The following FTCDNL1 variants were observed in gnomAD, a reference collection of about 807,000 sequenced individuals.
The protein encoded by FTCDNL1 is formiminotransferase cyclodeaminase N-terminal like.
FTCDNL1 carries 11 observed loss-of-function variants against 5.9 expected under a neutral mutation model. That is an observed-to-expected ratio of 1.87 (90% CI 1.18 to 3.10). The LOEUF is 3.10. Among genes scored for constraint, FTCDNL1 ranks in the 30% most tolerant of loss-of-function variants. FTCDNL1 has a pLI of 0.00. For synonymous variants in FTCDNL1, 58 were observed against 24.8 expected (o/e 2.34, Z -3.99); for missense variants, 115 against 65.5 (o/e 1.76, Z -2.61).
the FTCDNL1 span, among the ~76,000 whole-genome samples, chr2:199,714,338 AAAT>A: frequency 6.6e-6 from 1 of 152,200 alleles, no homozygotes; most frequent in African/African-American, 2.4e-5. Flanking sequence ...GACTAAAAAA[AAAT>A]TATGTCCAAA....
At chr2:199,697,579 C>T in the FTCDNL1 span, among the ~76,000 whole-genome samples, 1 of 152,084 alleles carries the variant, frequency 6.6e-6, no homozygotes, top group Non-Finnish European at 1.5e-5. Flanking sequence ...CAAGCAAATG[C>T]TAAGGGAATT....
At chr2:199,690,604 C>G in the FTCDNL1 span, among the ~76,000 whole-genome samples, 11 of 152,154 alleles carry the variant, frequency 7.2e-5, no homozygotes, top group African/African-American at 2.7e-4. Context: ...CTCCTTTGGG[C>G]TACCTACAAG....
rs929674163 is a variant in FTCDNL1 at position 199,800,408 on chromosome 2, G to A, written c.212-39573C>T. 3.3e-5 allele frequency among the ~76,000 whole-genome samples: 5 copies of A among 152,106 alleles called. No homozygotes were observed. The East Asian group carries it at 9.6e-4, about 29-fold the overall frequency. Reference sequence around the variant, plus strand: ...AATGCTTGGCATGTACTCAGCACACGGCCAGGTCCAGGTCCTGTGAAGCTG... The same window carrying A: ...AATGCTTGGCATGTACTCAGCACACAGCCAGGTCCAGGTCCTGTGAAGCTG... On this transcript the variant is annotated intron_variant, in intron 3 of 3. Coordinates refer to the FTCDNL1 transcript ENST00000416668.
Position 199,785,249 on chromosome 2 carries a change from C to CTT in FTCDNL1, c.212-24416_212-24415dup, listed in dbSNP as rs61047289. ...AGGGTCTCTAAACTCTTCCAAATTC[C>CTT]TTTTTTTTTTTTTTTTGAGACAGAA... On this transcript the variant is annotated intron_variant, in intron 3 of 3. Coordinates refer to the FTCDNL1 transcript ENST00000416668. 8.5e-4 allele frequency among the ~76,000 whole-genome samples: 65 copies of CTT among 76,862 alleles called. 5 individuals are homozygous for CTT. The highest frequency in any genetic ancestry group is 1.3e-3 in the Admixed American group (6 of 4,474). 50.4% of individuals were successfully genotyped at this position (76,862 alleles called of 152,430 possible). A position where few individuals can be genotyped will look rare whatever the true frequency, so the allele number is the denominator to read the frequency against.
chr2:199,800,969 T>C (rs1485123449), intron 3 of FTCDNL1, among the ~76,000 whole-genome samples: 3 of 152,230 alleles, frequency 2.0e-5, no homozygotes, highest in African/African-American at 2.4e-5. Flanking sequence ...AAAAACCACA[T>C]CCTTTGCTTA....
the FTCDNL1 span, among the ~76,000 whole-genome samples, chr2:199,709,954 C>T: frequency 1.8e-4 from 27 of 150,454 alleles, no homozygotes; most frequent in South Asian, 5.6e-3. Context: ...TTCAGTTGAT[C>T]ATCATTATTC....
At chr2:199,684,661 T>A in the FTCDNL1 span, among the ~76,000 whole-genome samples, 2 of 152,142 alleles carry the variant, frequency 1.3e-5, no homozygotes, top group Non-Finnish European at 2.9e-5. Flanking sequence ...ACACACAACA[T>A]TGCATAAGAA....
the FTCDNL1 span, among the ~76,000 whole-genome samples, chr2:199,684,177 A>G: frequency 6.6e-6 from 1 of 152,230 alleles, no homozygotes; most frequent in African/African-American, 2.4e-5. Flanking sequence ...GCAATTTTAG[A>G]TGGATTCACA....
At chr2:199,834,877 C>T (rs912544415) in intron 3 of FTCDNL1, among the ~76,000 whole-genome samples, 4 of 152,094 alleles carry the variant, frequency 2.6e-5, no homozygotes, top group South Asian at 2.1e-4. Context: ...CCTCTGCTTT[C>T]GATTGTCAGA....
chr2:199,762,048 A>C (rs564050330), intron 3 of FTCDNL1, among the ~76,000 whole-genome samples: 1 of 152,168 alleles, frequency 6.6e-6, no homozygotes, highest in African/African-American at 2.4e-5. Flanking sequence ...ACGATAGCCG[A>C]TGAGAAAAAA....
downstream of FTCDNL1, among the ~76,000 whole-genome samples, chr2:199,758,524 G>C (rs1209778882): frequency 6.6e-6 from 1 of 151,226 alleles, no homozygotes; most frequent in Non-Finnish European, 1.5e-5. Flanking sequence ...ATTGTAATCA[G>C]TATAGCCACT....
At chr2:199,691,197 A>T in the FTCDNL1 span, among the ~76,000 whole-genome samples, 2 of 152,168 alleles carry the variant, frequency 1.3e-5, no homozygotes, top group African/African-American at 4.8e-5. Flanking sequence ...TTTGAGACAG[A>T]GTTTTGCTCT....
intron 3 of FTCDNL1, among the ~76,000 whole-genome samples, chr2:199,768,493 T>G (rs1324653220): frequency 4.6e-5 from 7 of 152,220 alleles, no homozygotes; most frequent in Non-Finnish European, 8.8e-5. Context: ...CAACCCCACT[T>G]AGTTTTAATG....
At chr2:199,689,176 C>T in the FTCDNL1 span, among the ~76,000 whole-genome samples, 23 of 152,208 alleles carry the variant, frequency 1.5e-4, 1 homozygote, top group African/African-American at 4.3e-4. Flanking sequence ...ATGTTCAAAA[C>T]ACCACATAAA....
the FTCDNL1 span, among the ~76,000 whole-genome samples, chr2:199,670,045 C>T: frequency 3.3e-5 from 5 of 152,194 alleles, no homozygotes; most frequent in South Asian, 1.0e-3. Context: ...ATGGTGATTA[C>T]ATGAAACATA....
the FTCDNL1 span, among the ~76,000 whole-genome samples, chr2:199,747,276 T>G: frequency 1.3e-5 from 2 of 152,144 alleles, no homozygotes; most frequent in South Asian, 4.1e-4. Context: ...CATCTCAAAC[T>G]TTACTTGACA....
chr2:199,714,707 G>T, the FTCDNL1 span, among the ~76,000 whole-genome samples: 7 of 152,238 alleles, frequency 4.6e-5, no homozygotes, highest in African/African-American at 1.7e-4. Context: ...AATGCTGGGG[G>T]GTTTCAGAGG....
At chr2:199,755,405 A>G in the FTCDNL1 span, among the ~76,000 whole-genome samples, 1 of 152,204 alleles carries the variant, frequency 6.6e-6, no homozygotes, top group Non-Finnish European at 1.5e-5. Context: ...GAAGACATGA[A>G]AGGCAGAATG....
chr2:199,738,647 G>A, the FTCDNL1 span, among the ~76,000 whole-genome samples: 1 of 152,108 alleles, frequency 6.6e-6, no homozygotes, highest in African/African-American at 2.4e-5. Flanking sequence ...TTCACTTTGT[G>A]TTTCCCAAAG....
Sources: allele counts gnomAD v4.1 joint callset (sites outside exome capture counted in the v4.1 genomes callset), GRCh38; gene constraint gnomAD v4.1.1; transcripts MANE v1.5; gene names NCBI Gene and HGNC (gene_info 2026-07-23, HGNC 2026-07-21).